GLP2R: variants seen among roughly 807,000 people sequenced by gnomAD.
GLP2R encodes glucagon like peptide 2 receptor.
Under a neutral mutation model 68.2 loss-of-function variants are expected in GLP2R, and 59 were observed. That is an observed-to-expected ratio of 0.87 (90% CI 0.70 to 1.07). GLP2R has a LOEUF of 1.07. GLP2R is among the 50% of genes least tolerant of loss of function. The pLI, the probability that GLP2R is intolerant of heterozygous loss-of-function variation, is 0.00. For synonymous variants in GLP2R, 270 were observed against 265.4 expected, an observed-to-expected ratio of 1.02 and a Z score of -0.17; for missense variants, 548 against 677.4, an observed-to-expected ratio of 0.81 and a Z score of 2.12.
At chr17:9,884,934 G>A (rs17743194) in intron 11 of GLP2R, among the ~76,000 whole-genome samples, 31,236 of 151,646 alleles carry the variant, frequency 0.21, 4,215 homozygotes, top group Non-Finnish European at 0.31. Flanking sequence ...TTTTTTCTCC[G>A]GAAGGCATGG....
Position 9,850,692 on chromosome 17 carries a change from CTTTTTTT to C in GLP2R, c.505-3792_505-3786del, listed in dbSNP as rs11288196. ...CCTTACCCTACCGATGATTTTTTCACTTTTTTTTTTTTTTTTTGAGCCGGGATCTCTC... is the reference window on the plus strand; with the variant it reads ...CCTTACCCTACCGATGATTTTTTCACTTTTTTTTTTGAGCCGGGATCTCTC... On this transcript the variant is annotated intron_variant, in intron 4 of 12. Coordinates refer to ENST00000262441, the MANE Select transcript of GLP2R (RefSeq NM_004246.3). Among the ~76,000 whole-genome samples, 5 of 125,998 alleles carry C rather than the reference CTTTTTTT, an allele frequency of 4.0e-5. 1 individual carries two copies. Among genetic ancestry groups the C allele is most frequent in the African/African-American group, 1.5e-4 (5 of 32,374 alleles). 82.7% of individuals were successfully genotyped at this position (125,998 alleles called of 152,430 possible).
At chr17:9,830,762 C>T (rs536496180) in intron 1 of GLP2R, among the ~76,000 whole-genome samples, 1 of 152,282 alleles carries the variant, frequency 6.6e-6, no homozygotes, top group East Asian at 1.9e-4. Flanking sequence ...GATCTCACCC[C>T]CTCCCTTTTG....
At chr17:9,852,313 C>T (rs1050889083) in intron 4 of GLP2R, among the ~76,000 whole-genome samples, 2 of 151,940 alleles carry the variant, frequency 1.3e-5, no homozygotes, top group African/African-American at 4.8e-5. Flanking sequence ...TGAGTGAGGA[C>T]GTGTGGTATT....
At chr17:9,849,426 G>T (rs887707686) in intron 4 of GLP2R, among the ~76,000 whole-genome samples, 1 of 151,772 alleles carries the variant, frequency 6.6e-6, no homozygotes, top group African/African-American at 2.4e-5. Flanking sequence ...TTATCACATG[G>T]CCTATTTCAT....
At chr17:9,840,119 G>A (rs781680414) in intron 3 of GLP2R, among the ~76,000 whole-genome samples, 1 of 151,952 alleles carries the variant, frequency 6.6e-6, no homozygotes, top group African/African-American at 2.4e-5. Context: ...TGGGATTACA[G>A]GCACACATCA....
intron 4 of GLP2R, among the ~76,000 whole-genome samples, chr17:9,845,287 T>A (rs2066827144): frequency 6.6e-6 from 1 of 152,212 alleles, no homozygotes; most frequent in African/African-American, 2.4e-5. Context: ...TTTCATGATT[T>A]AGTTGGAATT....
chr17:9,826,298 AT>A (rs745524450), intron 1 of GLP2R, 46 bp downstream of exon 1: 705 of 1,408,272 alleles, frequency 5.0e-4, no homozygotes, highest in South Asian at 1.1e-3. Context: ...GTATTTCCTG[AT>A]TTTTTTTTAA....
intron 9 of GLP2R, chr17:9,865,754 A>T: frequency 2.1e-6 from 1 of 465,156 alleles, no homozygotes; most frequent in Non-Finnish European, 4.5e-6. Context: ...GTCAACAGGC[A>T]TGCCTAGAAG....
At chr17:9,842,200 C>T (rs796215081) in intron 3 of GLP2R, among the ~76,000 whole-genome samples, 4 of 152,336 alleles carry the variant, frequency 2.6e-5, no homozygotes, top group African/African-American at 9.6e-5. Flanking sequence ...AGATTGGCAT[C>T]TCCCAGCTGG....
chr17:9,837,459 G>C (rs751564619), intron 3 of GLP2R, among the ~76,000 whole-genome samples: 10 of 139,632 alleles, frequency 7.2e-5, no homozygotes, highest in African/African-American at 2.4e-4. Flanking sequence ...AGAAACAGGT[G>C]GGGGAGAAAG....
At chr17:9,836,097 A>AAATCAGC (rs1370162033) in intron 2 of GLP2R, among the ~76,000 whole-genome samples, 8 of 152,230 alleles carry the variant, frequency 5.3e-5, no homozygotes, top group African/African-American at 1.9e-4. Flanking sequence ...AAATAAAGCA[A>AAATCAGC]AATCAGCATG....
chr17:9,830,464 C>A (rs1163697998), intron 1 of GLP2R, among the ~76,000 whole-genome samples: 2 of 152,166 alleles, frequency 1.3e-5, no homozygotes, highest in Non-Finnish European at 2.9e-5. Context: ...ATGTTAATAA[C>A]TTACATGCTT....
intron 1 of GLP2R, among the ~76,000 whole-genome samples, chr17:9,832,084 A>C (rs963722309): frequency 6.6e-6 from 1 of 152,154 alleles, no homozygotes; most frequent in Non-Finnish European, 1.5e-5. Context: ...ATTCCTCCTT[A>C]ACACAAGGCC....
intron 4 of GLP2R, among the ~76,000 whole-genome samples, chr17:9,848,465 C>T (rs982478236): frequency 6.6e-6 from 1 of 152,156 alleles, no homozygotes; most frequent in African/African-American, 2.4e-5. Context: ...CAAAGTTCCC[C>T]AGATGATTCT....
intron 11 of GLP2R, among the ~76,000 whole-genome samples, chr17:9,882,377 C>T (rs1313083959): frequency 5.9e-5 from 9 of 152,136 alleles, no homozygotes; most frequent in Non-Finnish European, 1.0e-4. Context: ...AGAAATTTTA[C>T]GGGAAGATTT....
At chr17:9,887,095 A>T (rs1430073842) in intron 11 of GLP2R, among the ~76,000 whole-genome samples, 7 of 152,184 alleles carry the variant, frequency 4.6e-5, no homozygotes, top group Non-Finnish European at 1.5e-5. Flanking sequence ...AGCACCTTAG[A>T]TTCCAGCCCA....
At chr17:9,862,530 T>G (rs748451422) in intron 9 of GLP2R, among the ~76,000 whole-genome samples, 4 of 152,214 alleles carry the variant, frequency 2.6e-5, no homozygotes, top group Non-Finnish European at 4.4e-5. Flanking sequence ...AAAATTGTGA[T>G]GCAGCTTAGA....
Position 9,836,054 on chromosome 17 carries a change from A to G in GLP2R, c.278-317A>G, listed in dbSNP as rs2152031101. 1.3e-5 allele frequency among the ~76,000 whole-genome samples: 2 copies of G among 152,118 alleles called. 1 individual carries two copies. Among genetic ancestry groups the G allele is most frequent in the Non-Finnish European group, 2.9e-5 (2 of 67,956 alleles). On this transcript the variant is annotated intron_variant, in intron 2 of 12. Transcript: ENST00000262441. ...ACTCCATCTCCAAAAAAAAAAAAAA[A>G]AAAAAAGAAAGAAAGAAAGTTTAGT...
chr17:9,872,005 G>A (rs1234599976), intron 10 of GLP2R, among the ~76,000 whole-genome samples: 4 of 152,122 alleles, frequency 2.6e-5, no homozygotes, highest in Admixed American at 1.3e-4. Flanking sequence ...TTACAGGCGT[G>A]AGCCACCACA....
Sources: gnomAD v4.1 joint callset for allele counts (sites outside exome capture counted in the v4.1 genomes callset) on GRCh38, gnomAD v4.1.1 for gene constraint, MANE v1.5 for transcripts, NCBI Gene and HGNC (gene_info 2026-07-23, HGNC 2026-07-21) for gene names.